The following CCDC171 variants were observed in gnomAD, a reference collection of about 807,000 sequenced individuals.
CCDC171 encodes coiled-coil domain containing 171.
A neutral mutation model predicts 168.2 loss-of-function variants in CCDC171; 177 were observed. The ratio of observed to expected loss-of-function variants is 1.05; its 90% CI spans 0.93 to 1.19. CCDC171 has a LOEUF of 1.19. Among genes scored for constraint, CCDC171 ranks in the 50% most tolerant of loss-of-function variants. The pLI, the probability that CCDC171 is intolerant of heterozygous loss-of-function variation, is 0.00. For synonymous variants in CCDC171, 687 were observed against 540.8 expected (o/e 1.27, Z -3.75); for missense variants, 1,991 against 1,539.0 (o/e 1.29, Z -4.91).
At chr9:16,067,490 G>C in the CCDC171 span, among the ~76,000 whole-genome samples, 1 of 152,066 alleles carries the variant, frequency 6.6e-6, no homozygotes, top group Non-Finnish European at 1.5e-5. Context: ...GTCAATTTTG[G>C]CTTTTGTTGC....
intron 21 of CCDC171, among the ~76,000 whole-genome samples, chr9:15,841,115 A>G (rs2060662186): frequency 6.6e-6 from 1 of 152,082 alleles, no homozygotes; most frequent in Admixed American, 6.6e-5. Flanking sequence ...TTTAAGGTGA[A>G]TTTCCATTGC....
chr9:15,857,654 C>G (rs975463973), intron 23 of CCDC171, among the ~76,000 whole-genome samples: 37 of 151,954 alleles, frequency 2.4e-4, no homozygotes, highest in African/African-American at 8.0e-4. Flanking sequence ...AACTCCTGTC[C>G]TCAAGTTATC....
intron 16 of CCDC171, among the ~76,000 whole-genome samples, chr9:15,732,078 A>G (rs1442781840): frequency 2.0e-5 from 3 of 152,070 alleles, no homozygotes; most frequent in African/African-American, 7.2e-5. Flanking sequence ...AGTTCTTTAC[A>G]TATCCTGGAT....
intron 1 of CCDC171, among the ~76,000 whole-genome samples, chr9:15,559,395 G>C (rs993902850): frequency 2.6e-5 from 4 of 152,142 alleles, no homozygotes; most frequent in South Asian, 2.1e-4. Context: ...TCTAAGACTT[G>C]CTTTATGAAT....
At chr9:15,865,991 G>A (rs2061769519) in intron 23 of CCDC171, among the ~76,000 whole-genome samples, 1 of 151,848 alleles carries the variant, frequency 6.6e-6, no homozygotes, top group Non-Finnish European at 1.5e-5. Context: ...CAAAATATGA[G>A]GAAGAAGGGA....
At chr9:15,796,483 A>G (rs1178180101) in intron 21 of CCDC171, among the ~76,000 whole-genome samples, 5 of 152,244 alleles carry the variant, frequency 3.3e-5, no homozygotes, top group Admixed American at 2.0e-4. Flanking sequence ...AAGAATAACA[A>G]TTAGATCCTA....
intron 21 of CCDC171, among the ~76,000 whole-genome samples, chr9:15,832,387 T>C (rs1419120346): frequency 2.0e-5 from 3 of 152,194 alleles, no homozygotes; most frequent in Non-Finnish European, 4.4e-5. Context: ...GACAATTTTG[T>C]TGTACAAACA....
chr9:15,902,492 G>A (rs1048601365), intron 24 of CCDC171, among the ~76,000 whole-genome samples: 1 of 152,126 alleles, frequency 6.6e-6, no homozygotes, highest in South Asian at 2.1e-4. Context: ...TGAATTCCCT[G>A]ATTTAGTAAA....
intron 12 of CCDC171, among the ~76,000 whole-genome samples, chr9:15,722,405 A>G (rs945344336): frequency 2.6e-5 from 4 of 152,210 alleles, no homozygotes; most frequent in Admixed American, 1.3e-4. Flanking sequence ...TAGTTTGCTG[A>G]TTGAAAAAGC....
At chr9:15,569,822 A>AACAAAAC (rs2040061182) in intron 2 of CCDC171, among the ~76,000 whole-genome samples, 1 of 111,976 alleles carries the variant, frequency 8.9e-6, no homozygotes, top group African/African-American at 3.2e-5. Context: ...CTCAAAAAAA[A>AACAAAAC]ACAAAAAACA....
At chr9:16,018,459 T>C (rs1833085792) in intron 3 of CCDC171, among the ~76,000 whole-genome samples, 1 of 152,254 alleles carries the variant, frequency 6.6e-6, no homozygotes, top group South Asian at 2.1e-4. Context: ...AGCATGCTAA[T>C]TCAAATATTA....
chr9:16,101,427 C>T, the CCDC171 span, among the ~76,000 whole-genome samples: 1 of 152,148 alleles, frequency 6.6e-6, no homozygotes, highest in East Asian at 1.9e-4. Flanking sequence ...AGTGACCCTC[C>T]CTCTGGTATA....
chr9:15,817,963 CCT>C lies in CCDC171; in HGVS notation c.3268-28737_3268-28736del. 3.4e-5 allele frequency among the ~76,000 whole-genome samples: 4 copies of C among 117,234 alleles called. 2 individuals are homozygous for C. In the East Asian group the frequency reaches 8.7e-4, roughly 25 times the overall value. 76.9% of individuals were successfully genotyped at this position (117,234 alleles called of 152,430 possible). ...ATCCCCCGGTAGGGGCAGACTGACA[CCT>C]CACACGGCCGGGTACTCCTCTGAGA... On this transcript the variant is annotated intron_variant, in intron 21 of 25. Coordinates refer to ENST00000380701, the MANE Select transcript of CCDC171 (RefSeq NM_173550.4).
chr9:15,929,465 T>G (rs928338307), intron 25 of CCDC171, among the ~76,000 whole-genome samples: 11 of 151,776 alleles, frequency 7.2e-5, no homozygotes, highest in Non-Finnish European at 1.3e-4. Context: ...CTGTTTCTCC[T>G]AATTCTCCTT....
At chr9:15,674,583 T>A (rs201699119) in intron 9 of CCDC171, among the ~76,000 whole-genome samples, 2 of 152,096 alleles carry the variant, frequency 1.3e-5, no homozygotes, top group Non-Finnish European at 2.9e-5. Context: ...TGGTCTCAAA[T>A]AACATCTTTA....
At chr9:15,816,524 G>A (rs531435415) in intron 21 of CCDC171, among the ~76,000 whole-genome samples, 2 of 117,898 alleles carry the variant, frequency 1.7e-5, no homozygotes, top group Non-Finnish European at 3.8e-5. Context: ...AGCATCTATT[G>A]AAGTATAGAC....
intron 24 of CCDC171, among the ~76,000 whole-genome samples, chr9:15,910,013 G>A (rs140467746): frequency 6.6e-6 from 1 of 152,010 alleles, no homozygotes; most frequent in African/African-American, 2.4e-5. Flanking sequence ...TCCATGTGTA[G>A]CCATTGTTTA....
At chr9:15,639,842 C>G (rs2046461909) in intron 7 of CCDC171, among the ~76,000 whole-genome samples, 1 of 152,042 alleles carries the variant, frequency 6.6e-6, no homozygotes, top group Admixed American at 6.6e-5. Flanking sequence ...ATGTTTTGGC[C>G]ATTAATAAAA....
At chr9:16,053,811 A>G (rs1005471669) in intron 1 of CCDC171, among the ~76,000 whole-genome samples, 5 of 152,230 alleles carry the variant, frequency 3.3e-5, no homozygotes, top group Non-Finnish European at 7.3e-5. Context: ...GATGGGTTTT[A>G]AAGCACAGTT....
Sources: gnomAD v4.1 joint callset for allele counts (sites outside exome capture counted in the v4.1 genomes callset) on GRCh38, gnomAD v4.1.1 for gene constraint, MANE v1.5 for transcripts, NCBI Gene and HGNC (gene_info 2026-07-23, HGNC 2026-07-21) for gene names.